Variants in DENND1B observed in about 807,000 individuals in gnomAD.
DENND1B encodes DENN domain-containing protein 1B.
DENND1B carries 59 observed loss-of-function variants against 90.1 expected under a neutral mutation model. That is an observed-to-expected ratio of 0.65 (90% CI 0.53 to 0.81). DENND1B has a LOEUF of 0.81. DENND1B is among the 40% of genes least tolerant of loss of function. The pLI, the probability that DENND1B is intolerant of heterozygous loss-of-function variation, is 0.00. For synonymous variants in DENND1B, 337 were observed against 324.6 expected (o/e 1.04, Z -0.41); for missense variants, 862 against 912.6 (o/e 0.94, Z 0.71).
intron 20 of DENND1B, among the ~76,000 whole-genome samples, chr1:197,529,208 AT>A (rs1669383506): frequency 2.1e-3 from 3 of 1,452 alleles, no homozygotes; most frequent in Non-Finnish European, 0.015. Context: ...AGAGTGATAT[AT>A]ATATATATAT....
rs569979986 is a variant in DENND1B at position 197,717,955 on chromosome 1, A to G, written c.83-2881T>C. Reference sequence around the variant, plus strand: ...TGTAAAATCTCAGTTCAGAGACTACATACTTTTGGAAAAGTATAATATACA... The same window carrying G: ...TGTAAAATCTCAGTTCAGAGACTACGTACTTTTGGAAAAGTATAATATACA... On this transcript the variant is annotated intron_variant, in intron 2 of 22. Coordinates refer to ENST00000620048, the MANE Select transcript of DENND1B (RefSeq NM_001195215.2). Among the ~76,000 whole-genome samples the G allele has an allele frequency of 3.9e-5, 6 of 152,152 alleles. No homozygotes were observed. In the South Asian group the frequency reaches 1.2e-3, roughly 32 times the overall value.
chr1:197,619,990 A>G (rs1042768259), intron 10 of DENND1B, among the ~76,000 whole-genome samples: 5 of 151,308 alleles, frequency 3.3e-5, no homozygotes, highest in Non-Finnish European at 3.0e-5. Flanking sequence ...TCCCAACCAC[A>G]GTTCTGGAAC....
chr1:197,624,375 A>C (rs915179321), intron 10 of DENND1B, among the ~76,000 whole-genome samples: 29 of 151,714 alleles, frequency 1.9e-4, no homozygotes, highest in African/African-American at 6.3e-4. Flanking sequence ...ACATGCCAAA[A>C]AAATGAATCT....
At chr1:197,607,373 A>C (rs535593848) in intron 12 of DENND1B, among the ~76,000 whole-genome samples, 199 bp from the exon 13 acceptor site, 1 of 151,012 alleles carries the variant, frequency 6.6e-6, no homozygotes, top group African/African-American at 2.4e-5. Context: ...GATTTAGTAA[A>C]AATGCTTAAA....
At chr1:197,635,923 T>A (rs1679745166) in intron 10 of DENND1B, among the ~76,000 whole-genome samples, 1 of 150,550 alleles carries the variant, frequency 6.6e-6, no homozygotes, top group African/African-American at 2.4e-5. Flanking sequence ...TGGATACATA[T>A]CAACACTGTC....
intron 13 of DENND1B, among the ~76,000 whole-genome samples, chr1:197,599,569 T>C (rs558302854): frequency 3.5e-4 from 53 of 152,004 alleles, no homozygotes; most frequent in African/African-American, 1.3e-3. Flanking sequence ...AACAAAGTTA[T>C]AAAGTTGAAA....
chr1:197,704,405 G>A (rs537116240), intron 3 of DENND1B, among the ~76,000 whole-genome samples: 5 of 151,300 alleles, frequency 3.3e-5, no homozygotes, highest in South Asian at 2.1e-4. Context: ...TAATTTCCTC[G>A]CCTCTAGTTT....
intron 12 of DENND1B, among the ~76,000 whole-genome samples, chr1:197,607,401 CTTATA>C (rs1174481399): frequency 6.6e-6 from 1 of 150,808 alleles, no homozygotes; most frequent in African/African-American, 2.4e-5. Flanking sequence ...ATTTCCTCAT[CTTATA>C]TTAAACATAA....
intron 3 of DENND1B, among the ~76,000 whole-genome samples, chr1:197,702,245 CT>C (rs1659111092): frequency 6.6e-6 from 1 of 152,040 alleles, no homozygotes. Context: ...TAAGGTAAAT[CT>C]TTAGAAAACT....
intron 10 of DENND1B, among the ~76,000 whole-genome samples, chr1:197,622,082 G>A (rs1275953335): frequency 2.6e-5 from 4 of 151,356 alleles, no homozygotes; most frequent in South Asian, 4.2e-4. Context: ...AGAGAAACCT[G>A]ACAGCAAAGG....
At chr1:197,654,702 T>C (rs1434771761) in intron 6 of DENND1B, among the ~76,000 whole-genome samples, 1 of 152,202 alleles carries the variant, frequency 6.6e-6, no homozygotes, top group South Asian at 2.1e-4. Flanking sequence ...CAATACTGCA[T>C]TAAGCTTCCT....
At chr1:197,778,421 T>C (rs193127810), upstream of DENND1B, among the ~76,000 whole-genome samples, 655 of 152,306 alleles carry the variant, frequency 4.3e-3, 5 homozygotes, top group African/African-American at 0.015. Flanking sequence ...ATGCCTGTCA[T>C]CCCATCACTT....
At chr1:197,680,079 G>A (rs1656521566) in intron 3 of DENND1B, among the ~76,000 whole-genome samples, 1 of 152,020 alleles carries the variant, frequency 6.6e-6, no homozygotes, top group Admixed American at 6.6e-5. Context: ...CAGCCCTGGA[G>A]GTGATCGCAC....
intron 2 of DENND1B, among the ~76,000 whole-genome samples, chr1:197,731,977 C>T (rs918101366): frequency 2.0e-5 from 3 of 152,130 alleles, no homozygotes; most frequent in Admixed American, 6.6e-5. Flanking sequence ...TATCACTATT[C>T]GCTATCACTT....
chr1:197,564,371 T>A (rs1342711302), intron 15 of DENND1B, among the ~76,000 whole-genome samples: 2 of 102,958 alleles, frequency 1.9e-5, no homozygotes, highest in African/African-American at 7.8e-5. Flanking sequence ...CAGCCATCAA[T>A]ACTGAGGCAA....
chr1:197,583,474 C>G (rs1187896511), intron 14 of DENND1B, among the ~76,000 whole-genome samples: 1 of 152,076 alleles, frequency 6.6e-6, no homozygotes, highest in African/African-American at 2.4e-5. Flanking sequence ...TAAAATTGCT[C>G]AATTTTACTC....
At chr1:197,632,516 C>T (rs1424979832) in intron 10 of DENND1B, among the ~76,000 whole-genome samples, 1 of 152,186 alleles carries the variant, frequency 6.6e-6, no homozygotes, top group Non-Finnish European at 1.5e-5. Context: ...TTTTATCACA[C>T]TGACTGTCCT....
At chr1:197,665,057 G>T (rs1266347637) in intron 5 of DENND1B, among the ~76,000 whole-genome samples, 1 of 152,030 alleles carries the variant, frequency 6.6e-6, no homozygotes. Context: ...AATATCTCAG[G>T]ATATTTTTGA....
intron 2 of DENND1B, among the ~76,000 whole-genome samples, chr1:197,725,778 TAC>T (rs1342876849): frequency 6.6e-6 from 1 of 151,968 alleles, no homozygotes; most frequent in Non-Finnish European, 1.5e-5. Context: ...GGAACCTGCT[TAC>T]ACTCTGGGAA....
Sources: gnomAD v4.1 joint callset for allele counts (sites outside exome capture counted in the v4.1 genomes callset) on GRCh38, gnomAD v4.1.1 for gene constraint, MANE v1.5 for transcripts, NCBI Gene and HGNC (gene_info 2026-07-23, HGNC 2026-07-21) for gene names.